Variants in CHRNE observed in about 807,000 individuals in gnomAD.
The protein encoded by CHRNE is cholinergic receptor nicotinic epsilon subunit.
CHRNE carries 58 observed loss-of-function variants against 56.5 expected under a neutral mutation model. The ratio of observed to expected loss-of-function variants is 1.03; its 90% CI spans 0.83 to 1.28. The LOEUF (loss-of-function observed/expected upper bound fraction) is 1.28, where lower values mean the gene tolerates loss of function less well. CHRNE is among the 50% of genes most tolerant of loss of function. The pLI, the probability that CHRNE is intolerant of heterozygous loss-of-function variation, is 0.00. For missense variants in CHRNE, 793 were observed against 688.9 expected (o/e 1.15, Z -1.69); for synonymous variants, 385 against 297.9 (o/e 1.29, Z -3.01).
chr17:4,900,631 G>C lies in CHRNE; in HGVS notation c.917+162C>G, dbSNP rs983611047. ...AGGTGACGTCCAGCAGCAGTGAGGA[G>C]GACGGCGGACCAGGGACTCCATCCC... On this transcript the variant is annotated intron_variant, in intron 8 of 11. Transcript: ENST00000649488. The C allele has an allele frequency of 3.4e-6, 5 of 1,489,856 alleles. No homozygotes were observed. In the Admixed American group the frequency reaches 5.9e-5, roughly 18 times the overall value. 92.3% of individuals were successfully genotyped at this position (1,489,856 alleles called of 1,614,324 possible).
upstream of CHRNE, among the ~76,000 whole-genome samples, chr17:4,907,951 C>T (rs1174972123): frequency 2.6e-5 from 4 of 152,026 alleles, no homozygotes; most frequent in Non-Finnish European, 4.4e-5. Context: ...CCGAGGCGGG[C>T]GGATCACGAG....
chr17:4,902,051 G>A lies in CHRNE; in HGVS notation c.381C>T (p.Asn127=), dbSNP rs756301699. Residue 127 remains asparagine (N), a synonymous_variant, in exon 5 of 12, where the codon AAC becomes AAT. Transcript: ENST00000649488. This position sits in a 1 kb window ranked among gnomAD's most constrained non-coding sequence, Gnocchi z 4.0. ...CGGAGCCGCCCTCGTAGACGAGCAC[G>A]TTGGCGTCGTAGGCCACTCCGAACT... ...DGQFGVAYDA[N]VLVYEGGSVT... The A allele has an allele frequency of 3.1e-6, 5 of 1,613,984 alleles. No individual in the cohort carries two copies. The highest frequency in any genetic ancestry group is 1.1e-5 in the South Asian group (1 of 91,094).
At chr17:4,901,447 C>T in intron 6 of CHRNE, 78 bp downstream of exon 6, 7 of 1,372,830 alleles carry the variant, frequency 5.1e-6, no homozygotes, top group Non-Finnish European at 6.2e-6. Context: ...GTCGTTGGTC[C>T]GGGGCAAGCC....
upstream of CHRNE, among the ~76,000 whole-genome samples, chr17:4,905,578 G>C (rs547540166): frequency 2.0e-5 from 3 of 149,436 alleles, no homozygotes; most frequent in Non-Finnish European, 4.4e-5. Context: ...TGAAGTTTCC[G>C]GCTGGATGCG....
In CHRNE at chr17:4,902,905, T is replaced by TGG. The variant is rs1261654125; in HGVS notation, c.46+111_46+112dup. ...TCTCCTAAACCAATTATGCTGTGCC[T>TGG]GGGAACGAAATACTGTGTCTAAGTC... On this transcript the variant is annotated intron_variant, in intron 1 of 11. Coordinates refer to ENST00000649488, the MANE Select transcript of CHRNE (RefSeq NM_000080.4). The surrounding 1 kb of genome is among the most constrained non-coding windows in gnomAD (Gnocchi z 4.0). 1 of 1,584,658 alleles carries TGG rather than the reference T, an allele frequency of 6.3e-7. No individual in the cohort carries two copies. Among genetic ancestry groups the TGG allele is most frequent in the African/African-American group, 1.3e-5 (1 of 74,222 alleles).
chr17:4,903,141 G>A (rs2151099269), upstream of CHRNE: 4 of 1,454,950 alleles, frequency 2.7e-6, no homozygotes, highest in East Asian at 9.2e-5. Context: ...GTGTGAGGGG[G>A]AGGAGGGTGT....
At chr17:4,900,396 C>T (rs988348282) in intron 8 of CHRNE, 87 of 1,550,332 alleles carry the variant, frequency 5.6e-5, no homozygotes, top group Non-Finnish European at 7.0e-5. Flanking sequence ...CAGCGCCCGG[C>T]TCCTAGTCCA....
rs777324821 is a variant in CHRNE, at chr17:4,902,036, C to CTCGTAGACGAGCACGTTGGCG, written c.375_395dup (p.Asp125_Tyr131dup). ...GAGGCAGCCACGTCACGGAGCCGCCCTCGTAGACGAGCACGTTGGCGTCGT... is the reference window on the plus strand; with the variant it reads ...GAGGCAGCCACGTCACGGAGCCGCCCTCGTAGACGAGCACGTTGGCGTCGTAGACGAGCACGTTGGCGTCGT... On this transcript the variant is annotated inframe_insertion, in exon 5 of 12. Transcript: ENST00000649488. This position sits in a 1 kb window ranked among gnomAD's most constrained non-coding sequence, Gnocchi z 4.0. The CTCGTAGACGAGCACGTTGGCG allele has an allele frequency of 3.1e-6, 5 of 1,614,122 alleles. No individual in the cohort carries two copies. The South Asian group carries it at 5.5e-5, about 18-fold the overall frequency.
chr17:4,901,831 G>T, intron 5 of CHRNE, 101 bp downstream of exon 5: 1 of 1,538,454 alleles, frequency 6.5e-7, no homozygotes, highest in Admixed American at 1.7e-5. Context: ...TCCGCCTCCA[G>T]CGCGAAGCCC....
chr17:4,899,669 C>T, intron 8 of CHRNE, 87 bp from the exon 9 acceptor site: 2 of 1,437,928 alleles, frequency 1.4e-6, no homozygotes, highest in Non-Finnish European at 1.9e-6. Context: ...ACGGCTTCTC[C>T]TGGTACGGGC....
Position 4,898,873 on chromosome 17 carries a change from G to T in CHRNE, c.1345C>A (p.Arg449Ser), listed in dbSNP as rs149083639. 6.3e-7 allele frequency: 1 copy of T among 1,582,818 alleles called. No individual in the cohort carries two copies. The highest frequency in any genetic ancestry group is 1.1e-5 in the South Asian group (1 of 87,000). Reference protein sequence around the residue: ...ATGEEVSDWVRMGNALDNICF... With the variant: ...ATGEEVSDWVSMGNALDNICF... ...ATGTTGTCAAGGGCATTCCCCATGCGCACCCAGTCGGACACTTCCTGGGGA... is the reference window on the plus strand; with the variant it reads ...ATGTTGTCAAGGGCATTCCCCATGCTCACCCAGTCGGACACTTCCTGGGGA... The change falls in exon 12 of 12, where the codon CGC (arginine) becomes AGC (serine). Residue 449 changes from arginine (R) to serine (S), a missense_variant. Arg to Ser is a moderately radical substitution (Grantham distance 110, BLOSUM62 -1). Coordinates refer to ENST00000649488, the MANE Select transcript of CHRNE (RefSeq NM_000080.4).
In CHRNE at chr17:4,901,811, T is replaced by A. The variant is rs557236895; in HGVS notation, c.500+121A>T. On this transcript the variant is annotated intron_variant, in intron 5 of 11. Coordinates refer to ENST00000649488, the MANE Select transcript of CHRNE (RefSeq NM_000080.4). ...GCGCTGGAGCGTCCCACCCAGTGCC[T>A]ACGCCTGGCTCCGCCTCCAGCGCGA... 22 of 1,452,538 alleles carry A rather than the reference T, an allele frequency of 1.5e-5. No homozygotes were observed. The African/African-American group carries it at 1.5e-4, about 10-fold the overall frequency. The allele number at this position is 1,452,538 out of a possible 1,614,324, so 90.0% of individuals were successfully genotyped here. A position where few individuals can be genotyped will look rare whatever the true frequency, so the allele number is the denominator to read the frequency against.
In CHRNE at chr17:4,898,742, C is replaced by G; in HGVS notation, c.1476G>C (p.Gln492His). 6.2e-7 allele frequency: 1 copy of G among 1,610,980 alleles called. No individual in the cohort carries two copies. The highest frequency in any genetic ancestry group is 8.5e-7 in the Non-Finnish European group (1 of 1,179,062). Residue 492 changes from glutamine (Q) to histidine (H), a missense_variant, in exon 12 of 12, where the codon CAG (glutamine) becomes CAC (histidine). Transcript: ENST00000649488. ...VPDLPYAPCI[Q>H]P ...AAATTGAAGTCGGTGCGAGCTAAGG[C>G]TGGATACACGGCGCGTAGGGGAGAT...
At chr17:4,907,566 C>CAAAAAAA (rs34317332), upstream of CHRNE, among the ~76,000 whole-genome samples, 8 of 61,042 alleles carry the variant, frequency 1.3e-4, no homozygotes, top group African/African-American at 2.8e-4. Flanking sequence ...GACTCAGTCT[C>CAAAAAAA]AAAAAAAAAA....
At position 4,899,535 on chromosome 17, in the gene CHRNE, C is replaced by T. The variant is rs1281880875; in HGVS notation, c.965G>A (p.Cys322Tyr). 3 of 1,602,952 alleles carry T rather than the reference C, an allele frequency of 1.9e-6. No homozygotes were observed. Among genetic ancestry groups the T allele is most frequent in the African/African-American group, 1.3e-5 (1 of 74,824 alleles). The change falls in exon 9 of 12, where the codon TGC becomes TAC. Residue 322 changes from cysteine (C) to tyrosine (Y), a missense_variant. Coordinates refer to ENST00000649488, the MANE Select transcript of CHRNE (RefSeq NM_000080.4). ...CTGGGACACGTTGAGCACGATGACG[C>T]AATTCATGACAATGAGCGTGGCGAC... Reference protein sequence around the residue: ...MVVATLIVMNCVIVLNVSQRT... With the variant: ...MVVATLIVMNYVIVLNVSQRT...
At chr17:4,899,904 CCTGCTACTCTACTGCT>C (rs746102360) in intron 8 of CHRNE, 27 of 1,549,276 alleles carry the variant, frequency 1.7e-5, no homozygotes, top group Admixed American at 3.9e-5. Context: ...TGACCCCTGC[CCTGCTACTCTACTGCT>C]CTGCTCCTTC....
intron 5 of CHRNE, 43 bp downstream of exon 5, chr17:4,901,889 C>A (rs775450017): frequency 2.5e-6 from 4 of 1,602,114 alleles, no homozygotes; most frequent in Non-Finnish European, 3.4e-6. Context: ...ATAAGGCCCC[C>A]CCCCAACAAT....
At chr17:4,904,757 C>A (rs1473855968), upstream of CHRNE, among the ~76,000 whole-genome samples, 1 of 152,206 alleles carries the variant, frequency 6.6e-6, no homozygotes, top group Non-Finnish European at 1.5e-5. Flanking sequence ...ACCTTTGGGT[C>A]TCCTTCCCCC....
rs1303130579 is a variant in CHRNE at position 4,901,860 on chromosome 17, T to TC, written c.500+71dup. 7 of 1,593,142 alleles carry TC rather than the reference T, an allele frequency of 4.4e-6. No homozygotes were observed. In the East Asian group the frequency reaches 6.7e-5, roughly 15 times the overall value. On this transcript the variant is annotated intron_variant, in intron 5 of 11. Transcript: ENST00000649488. The stretch of plus-strand genomic sequence containing the variant: ...GAAGCCCCGCCCCGAGGGCGGTGCT[T>TC]CCCGGTTGGCCCCGCCCCATAAGGC...
Sources: allele counts gnomAD v4.1 joint callset (sites outside exome capture counted in the v4.1 genomes callset), GRCh38; gene constraint gnomAD v4.1.1; non-coding constraint Gnocchi (gnomAD v3.1); transcripts MANE v1.5; gene names NCBI Gene and HGNC (gene_info 2026-07-23, HGNC 2026-07-21).